SMAP1: variants seen among roughly 807,000 people sequenced by gnomAD.
SMAP1 encodes small ArfGAP 1.
Under a neutral mutation model 58.5 loss-of-function variants are expected in SMAP1, and 24 were observed. That is an observed-to-expected ratio of 0.41 (90% CI 0.30 to 0.58). The LOEUF is 0.58. SMAP1 is among the 20% of genes least tolerant of loss of function. The pLI is 0.29. For missense variants in SMAP1, 563 were observed against 566.3 expected, an observed-to-expected ratio of 0.99 and a Z score of 0.06; for synonymous variants, 216 against 196.6, an observed-to-expected ratio of 1.10 and a Z score of -0.82.
intron 8 of SMAP1, among the ~76,000 whole-genome samples, chr6:70,856,391 G>A (rs1771422830): frequency 6.6e-6 from 1 of 152,174 alleles, no homozygotes; most frequent in Non-Finnish European, 1.5e-5. Flanking sequence ...CTGATTAGAT[G>A]TATAAAAATC....
At chr6:70,795,290 A>C (rs1768554754) in intron 5 of SMAP1, among the ~76,000 whole-genome samples, 1 of 152,204 alleles carries the variant, frequency 6.6e-6, no homozygotes, top group Admixed American at 6.5e-5. Flanking sequence ...TTTCCTACTC[A>C]TGACAATGGC....
At chr6:70,826,062 C>G (rs1770102274) in intron 6 of SMAP1, among the ~76,000 whole-genome samples, 1 of 152,178 alleles carries the variant, frequency 6.6e-6, no homozygotes, top group African/African-American at 2.4e-5. Context: ...CTACTGCAAC[C>G]ACTAGCAGCT....
At chr6:70,739,354 A>AT (rs1765729292) in intron 2 of SMAP1, among the ~76,000 whole-genome samples, 1 of 152,124 alleles carries the variant, frequency 6.6e-6, no homozygotes, top group Non-Finnish European at 1.5e-5. Context: ...ACCTGTTTTA[A>AT]TTTTTTTAAA....
At chr6:70,683,521 C>T (rs948380880) in intron 1 of SMAP1, among the ~76,000 whole-genome samples, 1 of 151,996 alleles carries the variant, frequency 6.6e-6, no homozygotes, top group Non-Finnish European at 1.5e-5. Flanking sequence ...GGATTTGCTC[C>T]TACATTTTGG....
chr6:70,787,313 G>A (rs1305307543), intron 4 of SMAP1, among the ~76,000 whole-genome samples: 1 of 152,154 alleles, frequency 6.6e-6, no homozygotes, highest in South Asian at 2.1e-4. Flanking sequence ...ATGGATTAAA[G>A]ACTTACATGT....
At chr6:70,681,021 A>G (rs1460120032) in intron 1 of SMAP1, among the ~76,000 whole-genome samples, 1 of 151,942 alleles carries the variant, frequency 6.6e-6, no homozygotes, top group Non-Finnish European at 1.5e-5. Flanking sequence ...CCTGGCCATA[A>G]TTACACGGAT....
At chr6:70,840,477 G>A (rs1238092999) in intron 7 of SMAP1, among the ~76,000 whole-genome samples, 1 of 152,008 alleles carries the variant, frequency 6.6e-6, no homozygotes, top group Non-Finnish European at 1.5e-5. Flanking sequence ...ATTATTTTTG[G>A]CTTTGCAGGC....
chr6:70,788,433 T>A (rs1768176592), intron 4 of SMAP1, among the ~76,000 whole-genome samples: 1 of 151,998 alleles, frequency 6.6e-6, no homozygotes, highest in Admixed American at 6.6e-5. Flanking sequence ...GCATGTACCC[T>A]ACAACTTAAA....
chr6:70,711,195 G>A (rs1582042500), intron 1 of SMAP1, among the ~76,000 whole-genome samples: 1 of 152,250 alleles, frequency 6.6e-6, no homozygotes, highest in South Asian at 2.1e-4. Context: ...ATAATTGTGT[G>A]TGCTATACTT....
In SMAP1 at chr6:70,668,108, G is replaced by A. The variant is rs761024929; in HGVS notation, c.85G>A (p.Asp29Asn). 1.2e-6 allele frequency: 2 copies of A among 1,604,084 alleles called. No individual in the cohort carries two copies. Among genetic ancestry groups the A allele is most frequent in the South Asian group, 2.2e-5 (2 of 89,796 alleles). Reference protein sequence around the residue: ...LILSKLLREEDNKYCADCEAK... With the variant: ...LILSKLLREENNKYCADCEAK... Reference sequence around the variant, plus strand: ...CCTATCCAAGCTTCTGAGGGAGGAGGACAACAAGTACTGCGCCGACTGCGA... The same window carrying A: ...CCTATCCAAGCTTCTGAGGGAGGAGAACAACAAGTACTGCGCCGACTGCGA... Residue 29 changes from aspartate (D) to asparagine (N), a missense_variant, in exon 1 of 11, where the codon GAC becomes AAC. This residue lies in a region of SMAP1 where 52 missense variants were observed against 46.6 expected (regional missense o/e 1.11). Coordinates refer to ENST00000370455, the MANE Select transcript of SMAP1 (RefSeq NM_001044305.3).
intron 1 of SMAP1, among the ~76,000 whole-genome samples, chr6:70,704,577 T>C (rs1484325031): frequency 6.6e-6 from 1 of 152,246 alleles, no homozygotes; most frequent in Non-Finnish European, 1.5e-5. Flanking sequence ...TATAGTTTGC[T>C]GTTGTCAAAC....
At chr6:70,748,878 G>A (rs1458734492) in intron 2 of SMAP1, among the ~76,000 whole-genome samples, 1 of 151,056 alleles carries the variant, frequency 6.6e-6, no homozygotes, top group African/African-American at 2.4e-5. Context: ...CATATTTTAT[G>A]CATATATATA....
At chr6:70,746,309 T>C (rs1339393662) in intron 2 of SMAP1, among the ~76,000 whole-genome samples, 1 of 152,204 alleles carries the variant, frequency 6.6e-6, no homozygotes, top group Non-Finnish European at 1.5e-5. Flanking sequence ...GGCTGTGGGT[T>C]TGTCATAAAT....
chr6:70,784,066 C>T (rs1305809172), intron 4 of SMAP1, among the ~76,000 whole-genome samples: 2 of 152,140 alleles, frequency 1.3e-5, no homozygotes, highest in South Asian at 4.1e-4. Context: ...GGTCGGGTTA[C>T]CCACAAAGGG....
intron 2 of SMAP1, 152 bp from the exon 3 acceptor site, chr6:70,754,828 C>T (rs568252185): frequency 1.3e-5 from 6 of 466,926 alleles, no homozygotes; most frequent in Middle Eastern, 6.2e-4. Context: ...TGATTAATTT[C>T]GTAGTTGTGA....
At chr6:70,701,772 C>T (rs1421485301) in intron 1 of SMAP1, among the ~76,000 whole-genome samples, 1 of 152,110 alleles carries the variant, frequency 6.6e-6, no homozygotes, top group African/African-American at 2.4e-5. Flanking sequence ...AATTGTCTTC[C>T]CTAACCTCTT....
chr6:70,691,397 A>G (rs1767161005), intron 1 of SMAP1, among the ~76,000 whole-genome samples: 1 of 152,198 alleles, frequency 6.6e-6, no homozygotes, highest in Admixed American at 6.5e-5. Context: ...TAATAGTCAC[A>G]TCAGGGTAAA....
intron 7 of SMAP1, among the ~76,000 whole-genome samples, chr6:70,844,396 C>T (rs75303491): frequency 0.015 from 2,220 of 152,166 alleles, 58 homozygotes; most frequent in East Asian, 0.1. Context: ...GGGCTCTTCC[C>T]CTTACAGAGC....
chr6:70,784,304 A>G (rs572315912), intron 4 of SMAP1, among the ~76,000 whole-genome samples: 42 of 152,120 alleles, frequency 2.8e-4, no homozygotes, highest in African/African-American at 9.4e-4. Flanking sequence ...TGAAGGAAGC[A>G]CTAAACATGG....
Sources: allele counts gnomAD v4.1 joint callset (sites outside exome capture counted in the v4.1 genomes callset), GRCh38; gene constraint gnomAD v4.1.1; regional missense constraint gnomAD v4.1.1; transcripts MANE v1.5; gene names NCBI Gene and HGNC (gene_info 2026-07-23, HGNC 2026-07-21).